The following ROBO2 variants were observed in gnomAD, a reference collection of about 807,000 sequenced individuals.
ROBO2 encodes roundabout guidance receptor 2.
A neutral mutation model predicts 160.8 loss-of-function variants in ROBO2; 53 were observed. The observed-to-expected ratio is 0.33, with a 90% confidence interval of 0.26 to 0.41. ROBO2 has a LOEUF of 0.41. ROBO2 is among the 10% of genes least tolerant of loss of function. ROBO2 has a pLI of 1.00. For missense variants in ROBO2, 1,577 were observed against 1,722.4 expected (o/e 0.92, Z 1.49); for synonymous variants, 664 against 611.7 (o/e 1.09, Z -1.26).
chr3:76,223,206 T>G (rs1406759781), intron 2 of ROBO2, among the ~76,000 whole-genome samples: 2 of 151,936 alleles, frequency 1.3e-5, no homozygotes, highest in Admixed American at 6.6e-5. Context: ...CTGCTAGAAC[T>G]GAAGTCTAGT....
intron 2 of ROBO2, among the ~76,000 whole-genome samples, chr3:76,231,864 TA>T (rs1426758031): frequency 6.6e-6 from 1 of 152,222 alleles, no homozygotes; most frequent in Non-Finnish European, 1.5e-5. Context: ...TAATTCTGAA[TA>T]AAACCCAGTA....
At chr3:77,598,504 C>A (rs977599385) in intron 19 of ROBO2, among the ~76,000 whole-genome samples, 63 of 114,980 alleles carry the variant, frequency 5.5e-4, no homozygotes, top group Admixed American at 3.9e-3. Flanking sequence ...TATATATATA[C>A]GCACACACAT....
chr3:76,991,434 A>G (rs926566200), intron 2 of ROBO2, among the ~76,000 whole-genome samples: 4 of 152,162 alleles, frequency 2.6e-5, no homozygotes, highest in Non-Finnish European at 4.4e-5. Flanking sequence ...GTCTGAAGTC[A>G]TTAATACCAA....
Position 77,182,102 on chromosome 3 carries a change from G to T in ROBO2, c.388+83762G>T, listed in dbSNP as rs1262795665. 2.0e-5 allele frequency among the ~76,000 whole-genome samples: 3 copies of T among 152,012 alleles called. No homozygotes were observed. In the East Asian group the frequency reaches 5.8e-4, roughly 29 times the overall value. The stretch of plus-strand genomic sequence containing the variant: ...GCATAGAGCTTCATTTTATTTCTTT[G>T]CAAAGAAATATTTAATTTATATTTG... On this transcript the variant is annotated intron_variant, in intron 2 of 25. Coordinates refer to ENST00000461745, the Ensembl canonical transcript of ROBO2.
At chr3:76,667,490 A>G (rs1349594814) in intron 2 of ROBO2, among the ~76,000 whole-genome samples, 1 of 152,146 alleles carries the variant, frequency 6.6e-6, no homozygotes, top group Non-Finnish European at 1.5e-5. Context: ...CTCTATACGC[A>G]GTAGTGGTCA....
upstream of ROBO2, among the ~76,000 whole-genome samples, chr3:77,036,892 T>A (rs2063669841): frequency 6.6e-6 from 1 of 151,838 alleles, no homozygotes; most frequent in Non-Finnish European, 1.5e-5. Context: ...AAAGCACTGC[T>A]AAAATTTAAT....
At chr3:76,742,932 A>G (rs1190279294) in intron 2 of ROBO2, among the ~76,000 whole-genome samples, 3 of 151,962 alleles carry the variant, frequency 2.0e-5, no homozygotes, top group Non-Finnish European at 2.9e-5. Context: ...AATCAGCTCT[A>G]TGGCCAACAG....
At chr3:77,395,126 C>CCCT (rs1231701480) in intron 2 of ROBO2, among the ~76,000 whole-genome samples, 2 of 152,060 alleles carry the variant, frequency 1.3e-5, no homozygotes, top group African/African-American at 2.4e-5. Context: ...CTATTTTCTA[C>CCCT]CCTCCCTCCT....
chr3:77,079,789 AT>A (rs1397979144), intron 1 of ROBO2, among the ~76,000 whole-genome samples: 1 of 152,200 alleles, frequency 6.6e-6, no homozygotes, highest in Non-Finnish European at 1.5e-5. Context: ...GTGAAAGTGA[AT>A]GTCAGTGCTA....
intron 2 of ROBO2, among the ~76,000 whole-genome samples, chr3:76,064,745 A>G (rs1390355131): frequency 6.6e-6 from 1 of 152,162 alleles, no homozygotes; most frequent in East Asian, 1.9e-4. Context: ...TAGAGCTAAG[A>G]TATTTTAGGA....
Position 77,340,536 on chromosome 3 carries a change from AAAAATTGAACATAAG to A in ROBO2, c.389-136876_389-136862del, listed in dbSNP as rs527407690. The stretch of plus-strand genomic sequence containing the variant: ...GTTGAATTTTCTGGCAAAATAGGGT[AAAAATTGAACATAAG>A]ACAAATCATCATTTTCAGAAATATA... On this transcript the variant is annotated intron_variant, in intron 2 of 25. Coordinates refer to ENST00000461745, the Ensembl canonical transcript of ROBO2. Among the ~76,000 whole-genome samples, 8 of 152,260 alleles carry A rather than the reference AAAAATTGAACATAAG, an allele frequency of 5.3e-5. No individual in the cohort carries two copies. In the South Asian group the frequency reaches 1.4e-3, roughly 28 times the overall value.
chr3:76,481,484 T>G (rs1258697477), intron 2 of ROBO2, among the ~76,000 whole-genome samples: 1 of 152,156 alleles, frequency 6.6e-6, no homozygotes, highest in African/African-American at 2.4e-5. Context: ...TATAGACATC[T>G]GTGTCTTGAT....
At chr3:77,387,681 C>T (rs1161779251) in intron 2 of ROBO2, among the ~76,000 whole-genome samples, 9 of 151,962 alleles carry the variant, frequency 5.9e-5, no homozygotes, top group Admixed American at 2.0e-4. Flanking sequence ...TACAAGAATC[C>T]GCCTTTCCTT....
At chr3:76,484,784 A>G (rs2079400552) in intron 2 of ROBO2, among the ~76,000 whole-genome samples, 1 of 152,184 alleles carries the variant, frequency 6.6e-6, no homozygotes, top group South Asian at 2.1e-4. Flanking sequence ...CAGGCCAGCA[A>G]GAAAACATTT....
At chr3:76,805,378 A>G (rs1374886376) in intron 2 of ROBO2, among the ~76,000 whole-genome samples, 1 of 151,798 alleles carries the variant, frequency 6.6e-6, no homozygotes, top group Non-Finnish European at 1.5e-5. Context: ...CTTTCTTTCT[A>G]TCATTTTGAA....
intron 2 of ROBO2, among the ~76,000 whole-genome samples, chr3:76,367,196 A>G (rs1053029101): frequency 1.2e-4 from 18 of 152,050 alleles, no homozygotes; most frequent in African/African-American, 4.3e-4. Context: ...GCCACTAGTT[A>G]AAATTCCTAA....
At chr3:76,955,888 CA>C (rs35674535) in intron 2 of ROBO2, among the ~76,000 whole-genome samples, 327 of 123,992 alleles carry the variant, frequency 2.6e-3, no homozygotes, top group Middle Eastern at 9.4e-3. Context: ...GAGACTCCGT[CA>C]AAAAAAAAAA....
chr3:76,876,814 C>T (rs539754965), intron 2 of ROBO2, among the ~76,000 whole-genome samples: 2 of 152,078 alleles, frequency 1.3e-5, no homozygotes, highest in South Asian at 4.2e-4. Context: ...TAATTGCATG[C>T]AAGAAGAAAA....
At chr3:77,266,952 T>G (rs1233332465) in intron 2 of ROBO2, among the ~76,000 whole-genome samples, 2 of 152,164 alleles carry the variant, frequency 1.3e-5, no homozygotes, top group Non-Finnish European at 2.9e-5. Context: ...TCCAATTACA[T>G]AGCTACCAAC....
Sources: allele counts gnomAD v4.1 joint callset (sites outside exome capture counted in the v4.1 genomes callset), GRCh38; gene constraint gnomAD v4.1.1; transcripts MANE v1.5; gene names NCBI Gene and HGNC (gene_info 2026-07-23, HGNC 2026-07-21).